MSH3: variants seen among roughly 807,000 people sequenced by gnomAD.
MSH3 encodes the protein DNA mismatch repair protein Msh3.
Under a neutral mutation model 123.3 loss-of-function variants are expected in MSH3, and 106 were observed. The ratio of observed to expected loss-of-function variants is 0.86; its 90% CI spans 0.73 to 1.01. MSH3 has a LOEUF of 1.01. Among genes scored for constraint, MSH3 ranks in the 50% least tolerant of loss-of-function variants. MSH3 has a pLI of 0.00. For missense variants in MSH3, 1,459 were observed against 1,347.6 expected, an observed-to-expected ratio of 1.08 and a Z score of -1.29; for synonymous variants, 515 against 481.4, an observed-to-expected ratio of 1.07 and a Z score of -0.91.
intron 10 of MSH3, among the ~76,000 whole-genome samples, chr5:80,733,335 G>A (rs143316913): frequency 1.3e-3 from 197 of 152,202 alleles, no homozygotes; most frequent in African/African-American, 4.5e-3. Flanking sequence ...AGATAAAATG[G>A]ACCAAAGACC....
intron 19 of MSH3, 97 bp downstream of exon 19, chr5:80,792,941 A>C (rs1474507375): frequency 3.7e-6 from 3 of 813,914 alleles, no homozygotes; most frequent in African/African-American, 1.7e-5. Context: ...CCAAATTTCA[A>C]CTTTGGCTTT....
chr5:80,834,122 C>A (rs1335582351), intron 20 of MSH3, among the ~76,000 whole-genome samples: 5 of 152,128 alleles, frequency 3.3e-5, no homozygotes, highest in Non-Finnish European at 7.4e-5. Context: ...ATTGCTACTT[C>A]CATTGGTACT....
intron 8 of MSH3, among the ~76,000 whole-genome samples, chr5:80,710,750 G>A (rs1190433433): frequency 6.6e-6 from 1 of 152,088 alleles, no homozygotes; most frequent in East Asian, 1.9e-4. Flanking sequence ...GAAAGGATAG[G>A]GGTTTTAAAA....
At chr5:80,810,149 T>C (rs182715159) in intron 19 of MSH3, among the ~76,000 whole-genome samples, 8 of 120,950 alleles carry the variant, frequency 6.6e-5, no homozygotes, top group African/African-American at 2.5e-4. Flanking sequence ...TTATGCATGG[T>C]TTTTATTCTT....
intron 10 of MSH3, among the ~76,000 whole-genome samples, chr5:80,735,705 A>G (rs926099622): frequency 1.3e-5 from 2 of 151,978 alleles, no homozygotes; most frequent in African/African-American, 2.4e-5. Flanking sequence ...AAACAAAACC[A>G]AAAAAGAACA....
intron 10 of MSH3, among the ~76,000 whole-genome samples, chr5:80,737,249 A>G (rs1192724437): frequency 6.6e-6 from 1 of 152,204 alleles, no homozygotes; most frequent in African/African-American, 2.4e-5. Flanking sequence ...AATAGATTTC[A>G]TGTGTTATAT....
At chr5:80,829,017 C>T (rs142690150) in intron 20 of MSH3, among the ~76,000 whole-genome samples, 97 of 152,338 alleles carry the variant, frequency 6.4e-4, no homozygotes, top group Middle Eastern at 6.8e-3. Flanking sequence ...AGACATTACC[C>T]CACTTGGGGT....
chr5:80,823,786 T>C (rs1580072005), intron 20 of MSH3, among the ~76,000 whole-genome samples: 1 of 152,094 alleles, frequency 6.6e-6, no homozygotes, highest in Admixed American at 6.5e-5. Flanking sequence ...GGAGGGAAGG[T>C]CAGCAGATAA....
At chr5:80,689,431 TTTTAA>T (rs757779356) in intron 8 of MSH3, among the ~76,000 whole-genome samples, 14 of 152,070 alleles carry the variant, frequency 9.2e-5, no homozygotes, top group Non-Finnish European at 1.8e-4. Context: ...AAAAAGTCTA[TTTTAA>T]AGGAAAAAAT....
At chr5:80,751,526 T>G (rs1174596974) in intron 12 of MSH3, among the ~76,000 whole-genome samples, 1 of 152,196 alleles carries the variant, frequency 6.6e-6, no homozygotes, top group Non-Finnish European at 1.5e-5. Context: ...TCTGTTCTGG[T>G]CCTCTCTCCT....
intron 20 of MSH3, among the ~76,000 whole-genome samples, chr5:80,844,705 G>C (rs905427630): frequency 1.4e-5 from 2 of 146,558 alleles, no homozygotes; most frequent in African/African-American, 5.0e-5. Flanking sequence ...TGTTTTATCA[G>C]AGACTAGGAT....
intron 2 of MSH3, among the ~76,000 whole-genome samples, chr5:80,657,523 G>C (rs933985061): frequency 2.0e-5 from 3 of 152,152 alleles, no homozygotes; most frequent in Admixed American, 1.3e-4. Context: ...GATTTCTAGA[G>C]GTGGTGTTGC....
chr5:80,848,374 G>A (rs1745762100), intron 20 of MSH3, among the ~76,000 whole-genome samples: 1 of 152,088 alleles, frequency 6.6e-6, no homozygotes, highest in South Asian at 2.1e-4. Flanking sequence ...GACTTTTCTT[G>A]TTTTAAGTCT....
intron 12 of MSH3, among the ~76,000 whole-genome samples, chr5:80,753,461 A>C (rs1239166025): frequency 1.3e-5 from 2 of 152,158 alleles, no homozygotes; most frequent in Non-Finnish European, 2.9e-5. Context: ...AAAATAATAT[A>C]ACCATGAACA....
intron 8 of MSH3, among the ~76,000 whole-genome samples, chr5:80,687,239 C>A (rs1301356949): frequency 6.6e-6 from 1 of 152,124 alleles, no homozygotes; most frequent in South Asian, 2.1e-4. Flanking sequence ...GTTACACTTT[C>A]TTTTGTTGTA....
chr5:80,859,245 C>T (rs1453314845), intron 21 of MSH3, among the ~76,000 whole-genome samples: 2 of 152,046 alleles, frequency 1.3e-5, no homozygotes, highest in Non-Finnish European at 2.9e-5. Flanking sequence ...CTCAGCCTCC[C>T]GAGTAGCTGG....
chr5:80,820,737 G>A (rs939673940), intron 20 of MSH3, among the ~76,000 whole-genome samples: 10 of 152,020 alleles, frequency 6.6e-5, no homozygotes, highest in Non-Finnish European at 1.0e-4. Flanking sequence ...TGTAAGTTTC[G>A]GTCTTATAAA....
At position 80,845,772 on chromosome 5, in the gene MSH3, C is replaced by T. The variant is rs540701144; in HGVS notation, c.2814-8358C>T. 4.6e-5 allele frequency among the ~76,000 whole-genome samples: 7 copies of T among 152,220 alleles called. No homozygotes were observed. In the South Asian group the frequency reaches 6.2e-4, roughly 14 times the overall value. On this transcript the variant is annotated intron_variant, in intron 20 of 23. Transcript: ENST00000265081. ...TCCATCAGGTCATTTAAGGTCTTCT[C>T]GACACTGTTTATTCTAGTTAGCCAT...
chr5:80,865,977 A>G (rs1746091182), intron 22 of MSH3, among the ~76,000 whole-genome samples: 1 of 152,210 alleles, frequency 6.6e-6, no homozygotes, highest in Non-Finnish European at 1.5e-5. Flanking sequence ...CCAGGTTGAC[A>G]AGAGGAGACT....
Sources: gnomAD v4.1 joint callset for allele counts (sites outside exome capture counted in the v4.1 genomes callset) on GRCh38, gnomAD v4.1.1 for gene constraint, MANE v1.5 for transcripts, NCBI Gene and HGNC (gene_info 2026-07-23, HGNC 2026-07-21) for gene names.